RAPGEF3: variants seen among roughly 807,000 people sequenced by gnomAD.
RAPGEF3 encodes the protein Rap guanine nucleotide exchange factor 3.
A neutral mutation model predicts 129.8 loss-of-function variants in RAPGEF3; 103 were observed. The ratio of observed to expected loss-of-function variants is 0.79; its 90% CI spans 0.68 to 0.93. The LOEUF is 0.93. Among genes scored for constraint, RAPGEF3 ranks in the 40% least tolerant of loss-of-function variants. The pLI is 0.00. For missense variants in RAPGEF3, 1,117 were observed against 1,207.4 expected (o/e 0.93, Z 1.11); for synonymous variants, 436 against 482.6 (o/e 0.90, Z 1.26).
chr12:47,740,746 G>T lies in RAPGEF3; in HGVS notation c.2127C>A (p.Arg709=), dbSNP rs2136743186. ...CCCAGTACTGCAGCTCATTGAAGCG[G>T]CGCATGAAGCGCTCCAGGTTGGCGG... The part of the protein sequence containing the change: ...VTTANLERFM[R]RFNELQYWVA... Residue 709 remains arginine, a synonymous_variant, in exon 21 of 28, where the codon CGC becomes CGA. Transcript: ENST00000449771. The T allele has an allele frequency of 6.2e-7, 1 of 1,614,088 alleles. No individual in the cohort carries two copies. Among genetic ancestry groups the T allele is most frequent in the Non-Finnish European group, 8.5e-7 (1 of 1,180,000 alleles).
rs773081777 is a variant in RAPGEF3, at chr12:47,751,043, C to A, written c.671+5G>T. The stretch of plus-strand genomic sequence containing the variant: ...GGGTCACGGGGTGCAGGGATTCTGA[C>A]TCACGGCTTTCGAAGTGCCACAGTG... On this transcript the variant is annotated splice_donor_5th_base_variant and intron_variant, in intron 6 of 27. Transcript: ENST00000449771. 1.3e-6 allele frequency: 2 copies of A among 1,597,344 alleles called. No individual in the cohort carries two copies. The highest frequency in any genetic ancestry group is 3.5e-5 in the Admixed American group (2 of 56,854).
intron 5 of RAPGEF3, 31 bp downstream of exon 5, chr12:47,751,368 C>G: frequency 6.2e-7 from 1 of 1,611,328 alleles, no homozygotes; most frequent in Non-Finnish European, 8.5e-7. Context: ...CCAGCCCAGC[C>G]CGGGGCACCC....
At chr12:47,739,623 C>T in intron 23 of RAPGEF3, 1 of 411,126 alleles carries the variant, frequency 2.4e-6, no homozygotes, top group South Asian at 2.2e-5. Flanking sequence ...TGAAGTACCT[C>T]TTCTCTGCTT....
In RAPGEF3 at chr12:47,749,572, G is replaced by T. The variant is rs372134333; in HGVS notation, c.895-36C>A. On this transcript the variant is annotated intron_variant, in intron 9 of 27. Coordinates refer to ENST00000449771, the MANE Select transcript of RAPGEF3 (RefSeq NM_001098531.4). The surrounding 1 kb of genome is among the most constrained non-coding windows in gnomAD (Gnocchi z 4.5). The stretch of plus-strand genomic sequence containing the variant: ...GCCTCAGTCTCAGCCCGCCCCTGCC[G>T]CCCCTGCCGCCCCCAGCTCTTGCCA... 23 of 1,498,594 alleles carry T rather than the reference G, an allele frequency of 1.5e-5. No homozygotes were observed. Among genetic ancestry groups the T allele is most frequent in the Non-Finnish European group, 1.9e-5 (21 of 1,116,696 alleles). 92.8% of individuals were successfully genotyped at this position (1,498,594 alleles called of 1,614,324 possible).
At chr12:47,758,215 A>G in intron 1 of RAPGEF3, 137 bp from the exon 2 acceptor site, 9 of 1,437,434 alleles carry the variant, frequency 6.3e-6, no homozygotes, top group Non-Finnish European at 8.2e-6. Flanking sequence ...CCCTGCCAGG[A>G]GCTGGGGGGA....
intron 16 of RAPGEF3, chr12:47,744,446 A>C: frequency 8.6e-6 from 2 of 233,450 alleles, no homozygotes; most frequent in Middle Eastern, 1.6e-3. Flanking sequence ...AATATTCACA[A>C]TGCGCCTTTG....
chr12:47,737,318 G>A lies in RAPGEF3; in HGVS notation c.*249C>T, dbSNP rs1371369702. On this transcript the variant is annotated 3_prime_UTR_variant, in exon 28 of 28. Transcript: ENST00000449771. The stretch of plus-strand genomic sequence containing the variant: ...CGCACTCCACTCTCCACCCACTCCT[G>A]GGGCCTCTCTGTCCTCCCTTCCTTG... 3.8e-6 allele frequency: 2 copies of A among 526,512 alleles called. No individual in the cohort carries two copies. Among genetic ancestry groups the A allele is most frequent in the Non-Finnish European group, 3.4e-6 (1 of 291,938 alleles). The allele number at this position is 526,512 out of a possible 1,614,324, so 32.6% of individuals were successfully genotyped here. A position where few individuals can be genotyped will look rare whatever the true frequency, so the allele number is the denominator to read the frequency against.
chr12:47,740,085 A>C, intron 23 of RAPGEF3, 56 bp downstream of exon 23: 2 of 1,562,784 alleles, frequency 1.3e-6, no homozygotes, highest in Admixed American at 3.5e-5. Context: ...TCTGGAGGGC[A>C]GGGCCGAGCC....
intron 19 of RAPGEF3, 62 bp from the exon 20 acceptor site, chr12:47,741,102 G>T: frequency 6.4e-7 from 1 of 1,567,566 alleles, no homozygotes; most frequent in Non-Finnish European, 8.7e-7. Flanking sequence ...ACAGGGTAGG[G>T]GGAGAGGGTT....
chr12:47,741,630 T>A, intron 18 of RAPGEF3, 28 bp from the exon 19 acceptor site: 2 of 1,406,120 alleles, frequency 1.4e-6, no homozygotes, highest in Non-Finnish European at 2.0e-6. Context: ...GCGGACTGGG[T>A]GGGGGAAGGG....
intron 24 of RAPGEF3, 38 bp downstream of exon 24, chr12:47,739,105 G>A (rs749175282): frequency 2.7e-6 from 4 of 1,492,340 alleles, no homozygotes; most frequent in African/African-American, 2.8e-5. Flanking sequence ...GAGGCAGGAA[G>A]GGGGGAATGG....
chr12:47,745,631 G>A (rs1314185872), intron 16 of RAPGEF3: 1 of 152,096 alleles, frequency 6.6e-6, no homozygotes, highest in Non-Finnish European at 1.5e-5. Context: ...CTGCACTGGA[G>A]TTGGCTCTTC....
At chr12:47,744,303 G>A (rs1484611875) in intron 16 of RAPGEF3, 1 of 562,440 alleles carries the variant, frequency 1.8e-6, no homozygotes, top group Non-Finnish European at 3.2e-6. Flanking sequence ...CTCCGTGTGT[G>A]TGTGCTTCTG....
chr12:47,756,812 T>C (rs1377249073), intron 2 of RAPGEF3, among the ~76,000 whole-genome samples: 1 of 151,560 alleles, frequency 6.6e-6, no homozygotes, highest in Non-Finnish European at 1.5e-5. Flanking sequence ...CTACTAAAAA[T>C]ACAAAAATTA....
At position 47,741,291 on chromosome 12, in the gene RAPGEF3, G is replaced by A. The variant is rs538050897; in HGVS notation, c.1923+214C>T. On this transcript the variant is annotated intron_variant, in intron 19 of 27. Coordinates refer to ENST00000449771, the MANE Select transcript of RAPGEF3 (RefSeq NM_001098531.4). Reference sequence around the variant, plus strand: ...AGGGCAGGTCCTCCTCTTTCTCCTTGGGAGCTCCCAACCAGTGCTACCAGC... The same window carrying A: ...AGGGCAGGTCCTCCTCTTTCTCCTTAGGAGCTCCCAACCAGTGCTACCAGC... The A allele has an allele frequency of 2.1e-5, 14 of 671,246 alleles. No homozygotes were observed. The South Asian group carries it at 2.7e-4, about 13-fold the overall frequency. The allele number at this position is 671,246 out of a possible 1,614,324, so 41.6% of individuals were successfully genotyped here.
intron 2 of RAPGEF3, chr12:47,756,088 C>G (rs1942035394): frequency 3.3e-5 from 5 of 152,190 alleles, no homozygotes. Context: ...CACGGAAAGG[C>G]CTTGTTTTGG....
intron 18 of RAPGEF3, 48 bp from the exon 19 acceptor site, chr12:47,741,650 G>A (rs753352243): frequency 8.9e-5 from 130 of 1,465,868 alleles, no homozygotes; most frequent in East Asian, 7.7e-4. Flanking sequence ...GAGGGAGGCC[G>A]GGGACCAGCT....
Position 47,748,120 on chromosome 12 carries a change from T to A in RAPGEF3, c.1276A>T (p.Arg426Trp). The change falls in exon 13 of 28, where the codon AGG becomes TGG. Residue 426 changes from arginine to tryptophan, a missense_variant. Physicochemically the swap from Arg to Trp is moderately radical, Grantham distance 101 (BLOSUM62 -3). Transcript: ENST00000449771. ...AGTTGGGCGCTGGGCATGAAGACCC[T>A]GTGGGTCAGGAGGAAGTCGCTGAGG... ...TFLSDFLLTH[R>W]VFMPSAQLCA... 1 of 1,589,288 alleles carries A rather than the reference T, an allele frequency of 6.3e-7. No individual in the cohort carries two copies. The highest frequency in any genetic ancestry group is 8.6e-7 in the Non-Finnish European group (1 of 1,167,578).
At chr12:47,757,417 G>C (rs1407437156) in intron 2 of RAPGEF3, among the ~76,000 whole-genome samples, 1 of 152,062 alleles carries the variant, frequency 6.6e-6, no homozygotes, top group East Asian at 1.9e-4. Context: ...CTCACCCTAA[G>C]ACCAAAACGC....
Sources: gnomAD v4.1 joint callset for allele counts (sites outside exome capture counted in the v4.1 genomes callset) on GRCh38, gnomAD v4.1.1 for gene constraint, Gnocchi (gnomAD v3.1) non-coding constraint, MANE v1.5 for transcripts, NCBI Gene and HGNC (gene_info 2026-07-23, HGNC 2026-07-21) for gene names.